Variants in FAM20A observed in about 807,000 individuals in gnomAD.
FAM20A encodes the protein FAM20A golgi associated secretory pathway pseudokinase, also known as pseudokinase FAM20A.
A neutral mutation model predicts 52.0 loss-of-function variants in FAM20A; 42 were observed. The observed-to-expected ratio is 0.81, with a 90% CI of 0.63 to 1.04. The LOEUF is 1.04. FAM20A is among the 50% of genes least tolerant of loss of function. The pLI is 0.00. For synonymous variants in FAM20A, 304 were observed against 298.9 expected, an observed-to-expected ratio of 1.02 and a Z score of -0.18; for missense variants, 742 against 712.7, an observed-to-expected ratio of 1.04 and a Z score of -0.47.
chr17:68,549,459 A>G lies in FAM20A; in HGVS notation c.719+2414T>C, dbSNP rs1600557080. 1.3e-5 allele frequency among the ~76,000 whole-genome samples: 2 copies of G among 150,756 alleles called. 1 individual carries two copies. The highest frequency in any genetic ancestry group is 4.2e-4 in the South Asian group (2 of 4,786). On this transcript the variant is annotated intron_variant, in intron 4 of 10. Transcript: ENST00000592554. ...CAGTGAGCCGAGATAGCGCCACTGC[A>G]CTCCAGCCTGGGCAACAAATGCAAA...
rs1223038075 is a variant in FAM20A, at chr17:68,575,688, TTTATA to T, written c.405-19950_405-19946del. 2.3e-4 allele frequency among the ~76,000 whole-genome samples: 28 copies of T among 122,846 alleles called. No individual in the cohort carries two copies. The South Asian group carries it at 3.3e-3, about 15-fold the overall frequency. The allele number at this position is 122,846 out of a possible 152,430, so 80.6% of individuals were successfully genotyped here. ...ATATTTATATATTATATTTTTATAT[TTTATA>T]TTATATATATTATATATTATATATT... On this transcript the variant is annotated intron_variant, in intron 1 of 10. Coordinates refer to ENST00000592554, the MANE Select transcript of FAM20A (RefSeq NM_017565.4).
At chr17:68,551,062 G>C in intron 4 of FAM20A, 5 of 1,234,150 alleles carry the variant, frequency 4.1e-6, no homozygotes, top group Non-Finnish European at 5.1e-6. Flanking sequence ...GGCCCCTCTT[G>C]GGGCGATTTT....
chr17:68,535,250 A>G lies in FAM20A; in HGVS notation c.*2227T>C. On this transcript the variant is annotated 3_prime_UTR_variant, in exon 11 of 11. Transcript: ENST00000592554. ...TGAGTCTTAATTTTGTTACTAATCA[A>G]AAAGTAATGGAAGGTTGAAAGATAA... The G allele has an allele frequency of 2.2e-6, 1 of 451,326 alleles. No homozygotes were observed. Among genetic ancestry groups the G allele is most frequent in the South Asian group, 1.6e-5 (1 of 64,156 alleles). 28.0% of individuals were successfully genotyped at this position (451,326 alleles called of 1,614,324 possible).
chr17:68,544,251 C>T (rs572934205), intron 4 of FAM20A, among the ~76,000 whole-genome samples: 4 of 151,804 alleles, frequency 2.6e-5, no homozygotes, highest in Admixed American at 2.6e-4. Context: ...ACCATCATCC[C>T]CTCAGAGAAA....
At chr17:68,577,611 T>A (rs773220337) in intron 1 of FAM20A, among the ~76,000 whole-genome samples, 35 of 152,304 alleles carry the variant, frequency 2.3e-4, no homozygotes, top group Middle Eastern at 3.4e-3. Flanking sequence ...GAGTTAGAAA[T>A]CCTGGGCTAG....
rs1457667620 is a variant in FAM20A at position 68,535,761 on chromosome 17, T to G, written c.*1716A>C. 1 of 453,152 alleles carries G rather than the reference T, an allele frequency of 2.2e-6. No homozygotes were observed. The highest frequency in any genetic ancestry group is 4.4e-6 in the Non-Finnish European group (1 of 226,392). 28.1% of individuals were successfully genotyped at this position (453,152 alleles called of 1,614,324 possible). A position where few individuals can be genotyped will look rare whatever the true frequency, so the allele number is the denominator to read the frequency against. The stretch of plus-strand genomic sequence containing the variant: ...TCCTGAGACCAAGCGATCTGCCTGT[T>G]TAGGCCCAAAGTGCTGGGATTACAG... On this transcript the variant is annotated 3_prime_UTR_variant, in exon 11 of 11. Coordinates refer to ENST00000592554, the MANE Select transcript of FAM20A (RefSeq NM_017565.4).
chr17:68,539,915 C>T lies in FAM20A; in HGVS notation c.1271G>A (p.Gly424Glu). 1 of 1,614,174 alleles carries T rather than the reference C, an allele frequency of 6.2e-7. No individual in the cohort carries two copies. Among genetic ancestry groups the T allele is most frequent in the East Asian group, 2.2e-5 (1 of 44,878 alleles). ...GGCGTTGTCAAGGTGAATAAGGAAC[C>T]CATCATCCCCGAACTTGGTGAACAT... ...YEMFTKFGDD[G>E]FLIHLDNARG... Residue 424 changes from glycine to glutamate, a missense_variant, in exon 9 of 11, where the codon GGG becomes GAG. Coordinates refer to ENST00000592554, the MANE Select transcript of FAM20A (RefSeq NM_017565.4).
At chr17:68,540,676 G>A (rs2086246101) in intron 8 of FAM20A, 173 bp downstream of exon 8, 1 of 806,294 alleles carries the variant, frequency 1.2e-6, no homozygotes, top group Admixed American at 2.0e-5. Context: ...TTTGAAGAGA[G>A]GGGAGCCTGT....
chr17:68,551,972 A>T, intron 3 of FAM20A, 21 bp from the exon 4 acceptor site: 1 of 1,525,692 alleles, frequency 6.6e-7, no homozygotes, highest in African/African-American at 1.4e-5. Context: ...CAGAAGGGTG[A>T]GTTAACCATG....
rs1173191925 is a variant in FAM20A, at chr17:68,537,761, G to C, written c.1362-20C>G. Reference sequence around the variant, plus strand: ...TTTATCCTGAAAAGACAAAGTTACAGGAACCAAATAAGCAAATGTAAAGAA... The same window carrying C: ...TTTATCCTGAAAAGACAAAGTTACACGAACCAAATAAGCAAATGTAAAGAA... On this transcript the variant is annotated intron_variant, in intron 10 of 10. Coordinates refer to ENST00000592554, the MANE Select transcript of FAM20A (RefSeq NM_017565.4). The surrounding 1 kb of genome is among the most constrained non-coding windows in gnomAD (Gnocchi z 4.2). 1 of 1,602,462 alleles carries C rather than the reference G, an allele frequency of 6.2e-7. No individual in the cohort carries two copies. Among genetic ancestry groups the C allele is most frequent in the African/African-American group, 1.3e-5 (1 of 74,722 alleles).
At chr17:68,557,186 C>T (rs986582804) in intron 1 of FAM20A, among the ~76,000 whole-genome samples, 12 of 149,730 alleles carry the variant, frequency 8.0e-5, no homozygotes, top group Admixed American at 3.3e-4. Flanking sequence ...GGCGACAGAG[C>T]GAGACTCTGA....
At chr17:68,595,484 C>T (rs1007521515) in intron 1 of FAM20A, among the ~76,000 whole-genome samples, 4 of 152,146 alleles carry the variant, frequency 2.6e-5, no homozygotes, top group African/African-American at 4.8e-5. Context: ...GATTTGGAAA[C>T]CACTAAAATA....
intron 1 of FAM20A, among the ~76,000 whole-genome samples, chr17:68,573,667 T>C (rs2087642127): frequency 6.6e-6 from 1 of 151,364 alleles, no homozygotes; most frequent in Non-Finnish European, 1.5e-5. Flanking sequence ...TCCTTTCTTT[T>C]CTTTCTTTCT....
chr17:68,574,531 G>C (rs537555792), intron 1 of FAM20A, among the ~76,000 whole-genome samples: 1 of 152,232 alleles, frequency 6.6e-6, no homozygotes, highest in South Asian at 2.1e-4. Flanking sequence ...TTGCCACATT[G>C]GAGATTAAGT....
intron 1 of FAM20A, among the ~76,000 whole-genome samples, chr17:68,565,316 C>A (rs1455836043): frequency 6.6e-6 from 1 of 150,584 alleles, no homozygotes; most frequent in Non-Finnish European, 1.5e-5. Context: ...CTAAAAAGCA[C>A]AGACATCTTT....
rs1190233017 is a variant in FAM20A, at chr17:68,600,469, C to G, written c.198G>C (p.Thr66=). Residue 66 remains threonine (T), a synonymous_variant, in exon 1 of 11, where the codon ACG becomes ACC. Coordinates refer to ENST00000592554, the MANE Select transcript of FAM20A (RefSeq NM_017565.4). The surrounding 1 kb of genome is among the most constrained non-coding windows in gnomAD (Gnocchi z 6.2). ...DSAAAASDPG[T]IVHNFSRTEP... The stretch of plus-strand genomic sequence containing the variant: ...CGGTTCGGGAAAAGTTGTGCACGAT[C>G]GTGCCGGGGTCCGAGGCAGCTGCGG... 6.2e-7 allele frequency: 1 copy of G among 1,607,664 alleles called. No individual in the cohort carries two copies. Among genetic ancestry groups the G allele is most frequent in the East Asian group, 2.2e-5 (1 of 44,544 alleles).
At chr17:68,548,357 C>T (rs1373650731) in intron 4 of FAM20A, among the ~76,000 whole-genome samples, 2 of 152,120 alleles carry the variant, frequency 1.3e-5, no homozygotes, top group East Asian at 3.9e-4. Context: ...CGGTGAAACC[C>T]CGTCTCTACT....
intron 4 of FAM20A, among the ~76,000 whole-genome samples, chr17:68,550,582 T>C (rs533981448): frequency 1.3e-5 from 2 of 152,218 alleles, no homozygotes; most frequent in East Asian, 3.9e-4. Flanking sequence ...GGTTTCACCA[T>C]GATGGCCAGG....
Position 68,596,194 on chromosome 17 carries a change from T to C in FAM20A, c.404+4069A>G, listed in dbSNP as rs560843629. On this transcript the variant is annotated intron_variant, in intron 1 of 10. Transcript: ENST00000592554. ...GTGAAGAAGACAGGAGTTTCTGATG[T>C]GGGAAACCACACACACACACACACA... Among the ~76,000 whole-genome samples the C allele has an allele frequency of 4.6e-5, 6 of 130,324 alleles. No homozygotes were observed. In the South Asian group the frequency reaches 7.9e-4, roughly 17 times the overall value. 85.5% of individuals were successfully genotyped at this position (130,324 alleles called of 152,430 possible).
Sources: allele counts gnomAD v4.1 joint callset (sites outside exome capture counted in the v4.1 genomes callset), GRCh38; gene constraint gnomAD v4.1.1; non-coding constraint Gnocchi (gnomAD v3.1); transcripts MANE v1.5; gene names NCBI Gene and HGNC (gene_info 2026-07-23, HGNC 2026-07-21).